The following ICA1L variants were observed in gnomAD, a reference collection of about 807,000 sequenced individuals.
ICA1L encodes the protein islet cell autoantigen 1 like.
ICA1L carries 50 observed loss-of-function variants against 61.3 expected under a neutral mutation model. The ratio of observed to expected loss-of-function variants is 0.82; its 90% CI spans 0.65 to 1.03. The LOEUF is 1.03. ICA1L is among the 50% of genes least tolerant of loss of function. The pLI, the probability that ICA1L is intolerant of heterozygous loss-of-function variation, is 0.00. For synonymous variants in ICA1L, 161 were observed against 191.3 expected, an observed-to-expected ratio of 0.84 and a Z score of 1.31; for missense variants, 508 against 556.7, an observed-to-expected ratio of 0.91 and a Z score of 0.88.
chr2:202,808,858 AAG>A (rs1693299413), intron 9 of ICA1L, among the ~76,000 whole-genome samples: 1 of 152,218 alleles, frequency 6.6e-6, no homozygotes, highest in Non-Finnish European at 1.5e-5. Flanking sequence ...ACAATGACCA[AAG>A]ATTTAGATGA....
At position 202,790,463 on chromosome 2, in the gene ICA1L, C is replaced by T. The variant is rs563328037; in HGVS notation, c.986-1376G>A. Among the ~76,000 whole-genome samples, 6 of 152,300 alleles carry T rather than the reference C, an allele frequency of 3.9e-5. No individual in the cohort carries two copies. The South Asian group carries it at 8.3e-4, about 21-fold the overall frequency. Reference sequence around the variant, plus strand: ...GAACTGAGAACCAGTCCCATCTTCCCGCTTTCCAACTTAGCAAGATGGAGA... The same window carrying T: ...GAACTGAGAACCAGTCCCATCTTCCTGCTTTCCAACTTAGCAAGATGGAGA... On this transcript the variant is annotated intron_variant, in intron 10 of 12. Coordinates refer to ENST00000358299, the MANE Select transcript of ICA1L (RefSeq NM_001288622.3).
At chr2:202,842,043 C>T (rs1194201790) in intron 1 of ICA1L, among the ~76,000 whole-genome samples, 6 of 151,694 alleles carry the variant, frequency 4.0e-5, no homozygotes, top group Non-Finnish European at 5.9e-5. Context: ...TTAGTGAAGA[C>T]GAGGTTTCAC....
chr2:202,788,724 A>G (rs1370086103), intron 11 of ICA1L, 106 bp downstream of exon 11: 2 of 1,134,200 alleles, frequency 1.8e-6, no homozygotes, highest in Non-Finnish European at 2.6e-6. Flanking sequence ...AGTAGTGCTG[A>G]CATTAAAATC....
At chr2:202,783,213 T>C (rs1476343989) in intron 12 of ICA1L, among the ~76,000 whole-genome samples, 3 of 152,258 alleles carry the variant, frequency 2.0e-5, no homozygotes, top group Non-Finnish European at 4.4e-5. Flanking sequence ...GGAAGAATTA[T>C]CAGTGAATGC....
In ICA1L at chr2:202,773,764, G is replaced by A; in HGVS notation, c.*5769C>T. Reference sequence around the variant, plus strand: ...TTAATAACCATCCAGGTCCAAAGGTGGAAGAATACATACACCGGTATGGTA... The same window carrying A: ...TTAATAACCATCCAGGTCCAAAGGTAGAAGAATACATACACCGGTATGGTA... On this transcript the variant is annotated 3_prime_UTR_variant, in exon 13 of 13. Coordinates refer to ENST00000358299, the MANE Select transcript of ICA1L (RefSeq NM_001288622.3). 2.9e-6 allele frequency: 4 copies of A among 1,367,442 alleles called. No homozygotes were observed. The South Asian group carries it at 4.7e-5, about 16-fold the overall frequency. The allele number at this position is 1,367,442 out of a possible 1,614,324, so 84.7% of individuals were successfully genotyped here.
intron 10 of ICA1L, among the ~76,000 whole-genome samples, chr2:202,791,729 C>A: frequency 6.6e-6 from 1 of 151,864 alleles, no homozygotes; most frequent in Non-Finnish European, 1.5e-5. Context: ...GCCTGTAATC[C>A]CAGCTACTCA....
intron 10 of ICA1L, among the ~76,000 whole-genome samples, chr2:202,792,902 C>T (rs1202791518): frequency 1.3e-5 from 2 of 152,156 alleles, no homozygotes; most frequent in Admixed American, 6.5e-5. Context: ...TAAAGGACTA[C>T]CTTTTGTATG....
intron 1 of ICA1L, among the ~76,000 whole-genome samples, chr2:202,868,104 G>A (rs1014540613): frequency 2.6e-5 from 4 of 151,856 alleles, no homozygotes; most frequent in African/African-American, 7.3e-5. Context: ...ACAACATTGT[G>A]AAAACAATAA....
intron 9 of ICA1L, among the ~76,000 whole-genome samples, chr2:202,806,210 G>A (rs1693222561): frequency 6.6e-6 from 1 of 152,140 alleles, no homozygotes; most frequent in African/African-American, 2.4e-5. Flanking sequence ...TTGAGGAGGG[G>A]AGAAAGGAGA....
At chr2:202,800,562 C>G (rs1217005524) in intron 9 of ICA1L, among the ~76,000 whole-genome samples, 1 of 152,062 alleles carries the variant, frequency 6.6e-6, no homozygotes, top group Non-Finnish European at 1.5e-5. Context: ...TTGGTTTACT[C>G]AGTATAGACA....
chr2:202,808,204 T>TGGCATTTCTGGAC lies in ICA1L; in HGVS notation c.910+3529_910+3541dup, dbSNP rs527925966. Among the ~76,000 whole-genome samples the TGGCATTTCTGGAC allele has an allele frequency of 5.0e-3, 758 of 152,262 alleles. 13 individuals are homozygous for TGGCATTTCTGGAC. Among genetic ancestry groups the TGGCATTTCTGGAC allele is most frequent in the African/African-American group, 0.017 (726 of 41,538 alleles). ...TCAGTTCTAGCCCTTGGCTTCTGGA[T>TGGCATTTCTGGAC]GGCATTTCTGGACCTGCCCTGGGCT... On this transcript the variant is annotated intron_variant, in intron 9 of 12. Transcript: ENST00000358299.
intron 1 of ICA1L, among the ~76,000 whole-genome samples, chr2:202,845,425 A>G (rs1475611644): frequency 6.6e-6 from 1 of 152,086 alleles, no homozygotes; most frequent in Non-Finnish European, 1.5e-5. Context: ...CCAGGAGTTC[A>G]AGACCAGCCT....
intron 3 of ICA1L, among the ~76,000 whole-genome samples, chr2:202,824,052 G>A (rs1373383418): frequency 6.6e-6 from 1 of 152,126 alleles, no homozygotes; most frequent in Non-Finnish European, 1.5e-5. Context: ...TATTTATCGA[G>A]TACTGACTAC....
Position 202,775,508 on chromosome 2 carries a change from A to G in ICA1L, c.*4025T>C, listed in dbSNP as rs1692193004. 1 of 152,210 alleles carries G rather than the reference A, an allele frequency of 6.6e-6. No individual in the cohort carries two copies. Among genetic ancestry groups the G allele is most frequent in the South Asian group, 2.1e-4 (1 of 4,838 alleles). 9.4% of individuals were successfully genotyped at this position (152,210 alleles called of 1,614,324 possible). A position where few individuals can be genotyped will look rare whatever the true frequency, so the allele number is the denominator to read the frequency against. On this transcript the variant is annotated 3_prime_UTR_variant, in exon 13 of 13. Transcript: ENST00000358299. Reference sequence around the variant, plus strand: ...ATAGTCCCCTTGTATATGAAATAAGAACGAATTCATCTCACAAGGATTTTC... The same window carrying G: ...ATAGTCCCCTTGTATATGAAATAAGGACGAATTCATCTCACAAGGATTTTC...
chr2:202,858,970 G>A (rs771761820), intron 1 of ICA1L, among the ~76,000 whole-genome samples: 5 of 152,152 alleles, frequency 3.3e-5, no homozygotes, highest in Non-Finnish European at 2.9e-5. Flanking sequence ...GTGGTGGATG[G>A]CTATATCATA....
chr2:202,854,564 T>G (rs1004495557), intron 1 of ICA1L, among the ~76,000 whole-genome samples: 20 of 152,306 alleles, frequency 1.3e-4, no homozygotes, highest in African/African-American at 3.8e-4. Context: ...TACAGAACTC[T>G]CCACCCCAAA....
intron 12 of ICA1L, among the ~76,000 whole-genome samples, chr2:202,785,437 T>G (rs1692550595): frequency 2.0e-5 from 3 of 152,142 alleles, no homozygotes; most frequent in African/African-American, 7.2e-5. Context: ...TCTTTTCTTT[T>G]GGAGACAGTC....
chr2:202,856,929 G>A (rs1476832379), intron 1 of ICA1L, among the ~76,000 whole-genome samples: 1 of 152,192 alleles, frequency 6.6e-6, no homozygotes, highest in Non-Finnish European at 1.5e-5. Flanking sequence ...TACAAGGGAT[G>A]TGAAGCACCT....
intron 10 of ICA1L, among the ~76,000 whole-genome samples, chr2:202,795,086 T>C (rs1175464224): frequency 4.7e-5 from 7 of 147,810 alleles, no homozygotes; most frequent in Non-Finnish European, 7.5e-5. Flanking sequence ...TTTTTTTTTT[T>C]TTTTTTTTGA....
Sources: gnomAD v4.1 joint callset for allele counts (sites outside exome capture counted in the v4.1 genomes callset) on GRCh38, gnomAD v4.1.1 for gene constraint, MANE v1.5 for transcripts, NCBI Gene and HGNC (gene_info 2026-07-23, HGNC 2026-07-21) for gene names.